The following PPM1H variants were observed in gnomAD, a reference collection of about 807,000 sequenced individuals.
The protein encoded by PPM1H is protein phosphatase, Mg2+/Mn2+ dependent 1H.
Under a neutral mutation model 54.9 loss-of-function variants are expected in PPM1H, and 27 were observed. That is an observed-to-expected ratio of 0.49 (90% CI 0.36 to 0.68). The LOEUF (loss-of-function observed/expected upper bound fraction) is 0.68, where lower values mean the gene tolerates loss of function less well. PPM1H is among the 30% of genes least tolerant of loss of function. The pLI is 0.00. For missense variants in PPM1H, 596 were observed against 667.8 expected (o/e 0.89, Z 1.19); for synonymous variants, 305 against 270.8 (o/e 1.13, Z -1.24).
At chr12:62,766,976 C>T (rs780075178) in intron 4 of PPM1H, among the ~76,000 whole-genome samples, 40 of 152,180 alleles carry the variant, frequency 2.6e-4, no homozygotes, top group Admixed American at 3.9e-4. Flanking sequence ...ACACCACCAG[C>T]CAAGCAACAA....
chr12:62,818,620 A>G (rs937283286), intron 2 of PPM1H, among the ~76,000 whole-genome samples: 3 of 151,972 alleles, frequency 2.0e-5, no homozygotes, highest in Non-Finnish European at 4.4e-5. Context: ...AGAGGTAGGC[A>G]TGTCAAGAGG....
In PPM1H at chr12:62,934,623, A is replaced by G; in HGVS notation, c.114T>C (p.Arg38=). ...GGAACTCTGGCCGCCCGTAGGGGAA[A>G]CGCAGGGGCAGGTCCGAGCCTCCGC... ...GSCGGSDLPL[R]FPYGRPEFLG... The change falls in exon 1 of 10, where the codon CGT becomes CGC. Residue 38 remains arginine (R), a synonymous_variant. Coordinates refer to ENST00000228705, the MANE Select transcript of PPM1H (RefSeq NM_020700.2). The surrounding 1 kb of genome is among the most constrained non-coding windows in gnomAD (Gnocchi z 4.2). 6.3e-7 allele frequency: 1 copy of G among 1,590,372 alleles called. No individual in the cohort carries two copies. The highest frequency in any genetic ancestry group is 8.5e-7 in the Non-Finnish European group (1 of 1,169,688).
intron 1 of PPM1H, among the ~76,000 whole-genome samples, chr12:62,873,201 C>A (rs553374148): frequency 4.6e-5 from 7 of 152,308 alleles, no homozygotes. Flanking sequence ...TAAGACTAAG[C>A]ATTAGTACCT....
chr12:62,882,669 C>G (rs1247073567), intron 1 of PPM1H, among the ~76,000 whole-genome samples: 2 of 152,240 alleles, frequency 1.3e-5, no homozygotes, highest in African/African-American at 4.8e-5. Context: ...AGGGAGTCAA[C>G]AGAAGGGCAA....
chr12:62,932,855 G>A (rs1401157837), intron 1 of PPM1H, among the ~76,000 whole-genome samples: 1 of 151,620 alleles, frequency 6.6e-6, no homozygotes, highest in African/African-American at 2.4e-5. Flanking sequence ...GGCTGGTCTC[G>A]AACTCCTGAC....
At chr12:62,700,792 G>T (rs1321159324) in intron 6 of PPM1H, among the ~76,000 whole-genome samples, 1 of 152,134 alleles carries the variant, frequency 6.6e-6, no homozygotes, top group East Asian at 1.9e-4. Context: ...TAGAATGTCA[G>T]GTCATGTCAT....
intron 1 of PPM1H, among the ~76,000 whole-genome samples, chr12:62,887,209 G>A (rs1870622275): frequency 6.6e-6 from 1 of 152,236 alleles, no homozygotes; most frequent in African/African-American, 2.4e-5. Flanking sequence ...TACACTGGTA[G>A]TACAGGGTAA....
intron 8 of PPM1H, among the ~76,000 whole-genome samples, chr12:62,684,796 A>T (rs2076042414): frequency 1.3e-5 from 2 of 152,122 alleles, no homozygotes; most frequent in Admixed American, 1.3e-4. Context: ...TGGGTCAGTT[A>T]TTCTTCCTTA....
chr12:62,758,953 C>G (rs1043734720), intron 4 of PPM1H, among the ~76,000 whole-genome samples: 4 of 152,322 alleles, frequency 2.6e-5, no homozygotes, highest in Admixed American at 1.3e-4. Context: ...GTAATCTCCC[C>G]CACCCTTAAG....
chr12:62,806,717 G>T (rs549058244), intron 2 of PPM1H, among the ~76,000 whole-genome samples: 1 of 152,116 alleles, frequency 6.6e-6, no homozygotes, highest in Admixed American at 6.5e-5. Context: ...ACGACTGAAC[G>T]TTTCCCTAAG....
At chr12:62,784,142 T>C (rs1452584198) in intron 4 of PPM1H, among the ~76,000 whole-genome samples, 2 of 152,172 alleles carry the variant, frequency 1.3e-5, no homozygotes, top group Admixed American at 6.6e-5. Flanking sequence ...CTGGCATGCA[T>C]CAAGCAGTTA....
At chr12:62,780,391 C>G (rs746662187) in intron 4 of PPM1H, among the ~76,000 whole-genome samples, 12 of 152,198 alleles carry the variant, frequency 7.9e-5, no homozygotes. Flanking sequence ...AGCCCAACCT[C>G]CCAAGCTCAA....
chr12:62,745,205 T>C (rs142310483), intron 4 of PPM1H, among the ~76,000 whole-genome samples: 3 of 152,134 alleles, frequency 2.0e-5, no homozygotes, highest in African/African-American at 7.2e-5. Flanking sequence ...TAAAAAATTT[T>C]ATTATTTTTA....
At chr12:62,661,469 C>T (rs2075883125) in intron 9 of PPM1H, among the ~76,000 whole-genome samples, 1 of 152,206 alleles carries the variant, frequency 6.6e-6, no homozygotes, top group East Asian at 1.9e-4. Context: ...GGCACCATCT[C>T]GGCTCACTGC....
intron 6 of PPM1H, among the ~76,000 whole-genome samples, chr12:62,696,226 C>T (rs750559746): frequency 3.9e-5 from 6 of 152,158 alleles, no homozygotes; most frequent in Admixed American, 6.5e-5. Flanking sequence ...TGCAGGAGCA[C>T]GAAGTCCATG....
At chr12:62,818,043 T>C (rs905717388) in intron 2 of PPM1H, among the ~76,000 whole-genome samples, 1 of 152,206 alleles carries the variant, frequency 6.6e-6, no homozygotes, top group African/African-American at 2.4e-5. Context: ...AATGCATGTG[T>C]TCAGAAGTCT....
At chr12:62,774,359 CTTT>C (rs2120659785) in intron 4 of PPM1H, among the ~76,000 whole-genome samples, 1 of 123,682 alleles carries the variant, frequency 8.1e-6, no homozygotes, top group African/African-American at 4.3e-5. Flanking sequence ...ACCTTTCTTT[CTTT>C]CCTTTTTTGA....
chr12:62,713,981 A>C (rs1344403647), intron 6 of PPM1H, among the ~76,000 whole-genome samples: 1 of 151,924 alleles, frequency 6.6e-6, no homozygotes, highest in Non-Finnish European at 1.5e-5. Flanking sequence ...AAAAAACAAA[A>C]AAAACAAACC....
At chr12:62,783,416 T>C (rs1213571040) in intron 4 of PPM1H, among the ~76,000 whole-genome samples, 1 of 152,238 alleles carries the variant, frequency 6.6e-6, no homozygotes, top group Non-Finnish European at 1.5e-5. Context: ...AACTTCTTTA[T>C]TTAGAGATGC....
Sources: allele counts gnomAD v4.1 joint callset (sites outside exome capture counted in the v4.1 genomes callset), GRCh38; gene constraint gnomAD v4.1.1; non-coding constraint Gnocchi (gnomAD v3.1); transcripts MANE v1.5; gene names NCBI Gene and HGNC (gene_info 2026-07-23, HGNC 2026-07-21).